SLC24A2: variants seen among roughly 807,000 people sequenced by gnomAD.
The protein encoded by SLC24A2 is solute carrier family 24 member 2.
A neutral mutation model predicts 62.0 loss-of-function variants in SLC24A2; 36 were observed. The observed-to-expected ratio is 0.58, with a 90% CI of 0.44 to 0.77. The LOEUF (loss-of-function observed/expected upper bound fraction) is 0.77. Among genes scored for constraint, SLC24A2 ranks in the 30% least tolerant of loss-of-function variants. SLC24A2 has a pLI of 0.00. For synonymous variants in SLC24A2, 358 were observed against 294.0 expected (o/e 1.22, Z -2.23); for missense variants, 846 against 817.9 (o/e 1.03, Z -0.42).
At chr9:20,076,880 T>TATATATATATATATAC in the SLC24A2 span, among the ~76,000 whole-genome samples, 1 of 120,554 alleles carries the variant, frequency 8.3e-6, no homozygotes, top group African/African-American at 3.2e-5. Flanking sequence ...TATATATATA[T>TATATATATATATATAC]ACATATCATA....
chr9:19,569,298 T>G (rs772558991), intron 7 of SLC24A2, among the ~76,000 whole-genome samples: 15 of 152,236 alleles, frequency 9.9e-5, no homozygotes, highest in Non-Finnish European at 2.2e-4. Context: ...TGGACCACAG[T>G]GTGCCAATCC....
the SLC24A2 span, among the ~76,000 whole-genome samples, chr9:19,866,774 C>A: frequency 6.6e-6 from 1 of 151,728 alleles, no homozygotes; most frequent in East Asian, 1.9e-4. Flanking sequence ...GTAGCTGGGA[C>A]TACAGGCGCC....
chr9:20,049,231 T>C, the SLC24A2 span, among the ~76,000 whole-genome samples: 5 of 152,220 alleles, frequency 3.3e-5, no homozygotes, highest in African/African-American at 4.8e-5. Flanking sequence ...TATTTTGTAA[T>C]GGTTATTGTA....
chr9:19,846,273 C>A, the SLC24A2 span, among the ~76,000 whole-genome samples: 1 of 152,080 alleles, frequency 6.6e-6, no homozygotes, highest in African/African-American at 2.4e-5. Context: ...CCCAAGTATG[C>A]CAATGTTGGG....
At chr9:19,563,796 C>CCCTTCCTTCCTT (rs1181236935) in intron 7 of SLC24A2, among the ~76,000 whole-genome samples, 3 of 60,778 alleles carry the variant, frequency 4.9e-5, no homozygotes, top group African/African-American at 1.2e-4. Context: ...TTTATAATGA[C>CCCTTCCTTCCTT]CCTTCCTTCC....
At chr9:19,954,625 C>T in the SLC24A2 span, among the ~76,000 whole-genome samples, 1 of 151,892 alleles carries the variant, frequency 6.6e-6, no homozygotes, top group Non-Finnish European at 1.5e-5. Flanking sequence ...ATATTATATC[C>T]ACCTCTAGTT....
intron 7 of SLC24A2, among the ~76,000 whole-genome samples, chr9:19,557,341 A>G (rs1835144954): frequency 6.6e-6 from 1 of 152,228 alleles, no homozygotes; most frequent in Non-Finnish European, 1.5e-5. Flanking sequence ...AATTACAGGA[A>G]AGAGAAGCAA....
intron 2 of SLC24A2, among the ~76,000 whole-genome samples, chr9:19,645,239 G>T (rs886604041): frequency 1.3e-5 from 2 of 152,060 alleles, no homozygotes; most frequent in Non-Finnish European, 2.9e-5. Context: ...ATCTATATTC[G>T]CATTCATTTG....
At chr9:19,664,939 T>C (rs2118268259) in intron 2 of SLC24A2, among the ~76,000 whole-genome samples, 2 of 152,306 alleles carry the variant, frequency 1.3e-5, no homozygotes, top group South Asian at 4.1e-4. Context: ...AATAAATTTC[T>C]GTGGTTCTAA....
intron 8 of SLC24A2, among the ~76,000 whole-genome samples, chr9:19,549,312 A>C (rs1039278734): frequency 6.6e-6 from 1 of 152,056 alleles, no homozygotes; most frequent in Non-Finnish European, 1.5e-5. Flanking sequence ...ATTCTTTGAC[A>C]CTCTTCCCAA....
At chr9:20,166,568 T>C in the SLC24A2 span, among the ~76,000 whole-genome samples, 1 of 152,008 alleles carries the variant, frequency 6.6e-6, no homozygotes, top group African/African-American at 2.4e-5. Flanking sequence ...ATATGGTATG[T>C]TTCCTCTTAT....
the SLC24A2 span, among the ~76,000 whole-genome samples, chr9:20,024,718 C>T: frequency 6.6e-6 from 1 of 152,222 alleles, no homozygotes; most frequent in South Asian, 2.1e-4. Context: ...AAGATCAGGT[C>T]ACACGTCACT....
At chr9:19,694,289 G>T (rs1242581312) in intron 2 of SLC24A2, among the ~76,000 whole-genome samples, 1 of 152,054 alleles carries the variant, frequency 6.6e-6, no homozygotes, top group Middle Eastern at 3.2e-3. Context: ...TTAATAAAAG[G>T]TATTTTATAC....
chr9:20,223,643 G>C, the SLC24A2 span, among the ~76,000 whole-genome samples: 1 of 152,130 alleles, frequency 6.6e-6, no homozygotes, highest in Non-Finnish European at 1.5e-5. Context: ...TACATCAATG[G>C]ACTAGGATAG....
At chr9:20,205,991 G>T in the SLC24A2 span, among the ~76,000 whole-genome samples, 1 of 151,990 alleles carries the variant, frequency 6.6e-6, no homozygotes, top group African/African-American at 2.4e-5. Flanking sequence ...TGCATCTGTG[G>T]TTCACTCGGT....
chr9:20,247,607 G>C, the SLC24A2 span, among the ~76,000 whole-genome samples: 1 of 152,166 alleles, frequency 6.6e-6, no homozygotes, highest in African/African-American at 2.4e-5. Context: ...CCAGTGCCTT[G>C]ATCTTAGACT....
At chr9:19,933,674 T>G in the SLC24A2 span, among the ~76,000 whole-genome samples, 1 of 152,186 alleles carries the variant, frequency 6.6e-6, no homozygotes, top group Admixed American at 6.5e-5. Context: ...TACATGCATC[T>G]TCGTAGCAGC....
the SLC24A2 span, chr9:19,926,969 T>A: frequency 6.6e-6 from 1 of 152,490 alleles, no homozygotes; most frequent in African/African-American, 2.4e-5. Flanking sequence ...AGGCCTCTTT[T>A]CACAGCAATT....
At chr9:20,267,884 T>C in the SLC24A2 span, among the ~76,000 whole-genome samples, 380 of 152,266 alleles carry the variant, frequency 2.5e-3, 4 homozygotes, top group African/African-American at 8.8e-3. Flanking sequence ...AGCTTTCTCA[T>C]TGGCCCTTCC....
Sources: allele counts gnomAD v4.1 joint callset (sites outside exome capture counted in the v4.1 genomes callset), GRCh38; gene constraint gnomAD v4.1.1; transcripts MANE v1.5; gene names NCBI Gene and HGNC (gene_info 2026-07-23, HGNC 2026-07-21).